TMEM74: variants seen among roughly 807,000 people sequenced by gnomAD.
The protein encoded by TMEM74 is transmembrane protein 74.
A neutral mutation model predicts 18.1 loss-of-function variants in TMEM74; 13 were observed. The ratio of observed to expected loss-of-function variants is 0.72; its 90% confidence interval spans 0.47 to 1.14. The LOEUF (loss-of-function observed/expected upper bound fraction) is 1.14. TMEM74 is among the 50% of genes most tolerant of loss of function. The pLI, the probability that TMEM74 is intolerant of heterozygous loss-of-function variation, is 0.00. For synonymous variants in TMEM74, 159 were observed against 146.6 expected (o/e 1.08, Z -0.61); for missense variants, 372 against 375.9 (o/e 0.99, Z 0.09).
intron 2 of TMEM74, among the ~76,000 whole-genome samples, chr8:108,628,376 T>G (rs1364613353): frequency 6.6e-6 from 1 of 152,090 alleles, no homozygotes; most frequent in African/African-American, 2.4e-5. Context: ...AGACACCAAC[T>G]AAGTGTCCTG....
At chr8:108,700,246 G>C (rs1813322578) in intron 1 of TMEM74, among the ~76,000 whole-genome samples, 1 of 151,716 alleles carries the variant, frequency 6.6e-6, no homozygotes, top group Admixed American at 6.6e-5. Flanking sequence ...AAACTCAGTG[G>C]GGGGATGTTA....
chr8:108,695,632 C>T (rs893491299), intron 1 of TMEM74, among the ~76,000 whole-genome samples: 4 of 152,184 alleles, frequency 2.6e-5, no homozygotes, highest in African/African-American at 7.2e-5. Context: ...TAGCCCATTA[C>T]AAAGCCCATG....
chr8:108,729,091 T>A (rs576886590), intron 1 of TMEM74, among the ~76,000 whole-genome samples: 4 of 152,222 alleles, frequency 2.6e-5, no homozygotes, highest in Non-Finnish European at 5.9e-5. Context: ...ATCTGATACA[T>A]GTTTCAATGG....
At chr8:108,607,951 G>A (rs567830142) in intron 3 of TMEM74, among the ~76,000 whole-genome samples, 1 of 152,240 alleles carries the variant, frequency 6.6e-6, no homozygotes, top group East Asian at 1.9e-4. Context: ...GTGCACATGT[G>A]TCTATGCATG....
chr8:108,651,663 G>A (rs1160383666), intron 2 of TMEM74, among the ~76,000 whole-genome samples: 3 of 152,116 alleles, frequency 2.0e-5, no homozygotes, highest in South Asian at 4.1e-4. Flanking sequence ...TGAGGTGTGT[G>A]TGTGTATGTG....
Position 108,718,175 on chromosome 8 carries a change from G to A in TMEM74, n.120-62738C>T, listed in dbSNP as rs1482498847. Among the ~76,000 whole-genome samples, 2 of 73,102 alleles carry A rather than the reference G, an allele frequency of 2.7e-5. 1 individual carries two copies. Among genetic ancestry groups the A allele is most frequent in the African/African-American group, 3.1e-4 (2 of 6,444 alleles). 48.0% of individuals were successfully genotyped at this position (73,102 alleles called of 152,430 possible). On this transcript the variant is annotated intron_variant and non_coding_transcript_variant, in intron 1 of 3. Transcript: ENST00000518838. Reference sequence around the variant, plus strand: ...GGGTTTCACCATTTTAGCCGGGATGGTCTCGATCTCCTGACCTCGTGATCC... The same window carrying A: ...GGGTTTCACCATTTTAGCCGGGATGATCTCGATCTCCTGACCTCGTGATCC...
intron 2 of TMEM74, among the ~76,000 whole-genome samples, chr8:108,622,499 A>G (rs143902724): frequency 1.1e-4 from 16 of 152,140 alleles, no homozygotes; most frequent in African/African-American, 3.4e-4. Context: ...ATCACTTGAG[A>G]TACTGTATAC....
chr8:108,667,796 C>T (rs1812963677), intron 1 of TMEM74, among the ~76,000 whole-genome samples: 2 of 151,884 alleles, frequency 1.3e-5, no homozygotes, highest in Admixed American at 1.3e-4. Context: ...TGCCTACCTA[C>T]ACCCTCCCAG....
At chr8:108,733,012 T>C (rs1364342906) in intron 1 of TMEM74, among the ~76,000 whole-genome samples, 1 of 152,136 alleles carries the variant, frequency 6.6e-6, no homozygotes, top group African/African-American at 2.4e-5. Context: ...TCAAGCATTT[T>C]AGAGAATGTG....
intron 1 of TMEM74, among the ~76,000 whole-genome samples, chr8:108,746,665 T>C (rs1813851109): frequency 6.6e-6 from 1 of 152,056 alleles, no homozygotes; most frequent in Non-Finnish European, 1.5e-5. Context: ...AGCCTCAGGA[T>C]GGGGGCTGGT....
At chr8:108,746,961 A>G (rs71526705) in intron 1 of TMEM74, among the ~76,000 whole-genome samples, 2,915 of 152,206 alleles carry the variant, frequency 0.019, 47 homozygotes, top group Non-Finnish European at 0.03. Flanking sequence ...ATATCTTTCT[A>G]TAATAAACTG....
chr8:108,748,586 C>CA (rs1261665008), intron 1 of TMEM74, among the ~76,000 whole-genome samples: 1 of 150,894 alleles, frequency 6.6e-6, no homozygotes, highest in Admixed American at 6.6e-5. Context: ...TCCCATTTGT[C>CA]AATTTTTGAC....
At position 108,667,836 on chromosome 8, in the gene TMEM74, GCT is replaced by G. The variant is rs1456770210; in HGVS notation, n.120-12401_120-12400del. Among the ~76,000 whole-genome samples the G allele has an allele frequency of 2.0e-5, 3 of 152,088 alleles. No individual in the cohort carries two copies. The East Asian group carries it at 5.8e-4, about 29-fold the overall frequency. ...ATCCCCTGCCAGATTTCAGCATTCT[GCT>G]CTCTGTTCTTTCCCCTCTTTAAATG... On this transcript the variant is annotated intron_variant and non_coding_transcript_variant, in intron 1 of 3. Transcript: ENST00000518838.
chr8:108,748,274 G>A (rs4250579), intron 1 of TMEM74, among the ~76,000 whole-genome samples: 1 of 152,128 alleles, frequency 6.6e-6, no homozygotes, highest in Non-Finnish European at 1.5e-5. Flanking sequence ...GCATGAGACG[G>A]TATCTCACTG....
At chr8:108,610,787 C>T (rs1812326680) in intron 2 of TMEM74, among the ~76,000 whole-genome samples, 1 of 152,200 alleles carries the variant, frequency 6.6e-6, no homozygotes, top group South Asian at 2.1e-4. Context: ...TAAAGGATCA[C>T]AGGCTTTGGC....
downstream of TMEM74, among the ~76,000 whole-genome samples, chr8:108,775,722 G>A (rs889499045): frequency 6.6e-6 from 1 of 152,106 alleles, no homozygotes; most frequent in African/African-American, 2.4e-5. Flanking sequence ...TTACTGTTTA[G>A]GGTCAGCCTC....
At chr8:108,746,920 T>C (rs1813853930) in intron 1 of TMEM74, among the ~76,000 whole-genome samples, 1 of 152,152 alleles carries the variant, frequency 6.6e-6, no homozygotes, top group South Asian at 2.1e-4. Context: ...CCTTGCCCTA[T>C]ACCTCTCTTC....
chr8:108,703,082 C>T (rs1813352965), intron 1 of TMEM74, among the ~76,000 whole-genome samples: 1 of 152,250 alleles, frequency 6.6e-6, no homozygotes, highest in African/African-American at 2.4e-5. Context: ...TCCCTCTAGG[C>T]TTCATTCCTC....
chr8:108,697,668 C>T (rs575785055), intron 1 of TMEM74, among the ~76,000 whole-genome samples: 141 of 152,236 alleles, frequency 9.3e-4, no homozygotes, highest in Non-Finnish European at 2.2e-4. Flanking sequence ...CCTTTCAAAA[C>T]GCTGGGATTG....
Sources: gnomAD v4.1 joint callset for allele counts (sites outside exome capture counted in the v4.1 genomes callset) on GRCh38, gnomAD v4.1.1 for gene constraint, MANE v1.5 for transcripts, NCBI Gene and HGNC (gene_info 2026-07-23, HGNC 2026-07-21) for gene names.